Variants in NRG1 observed in about 807,000 individuals in gnomAD.
The protein encoded by NRG1 is pro-neuregulin-1, membrane-bound isoform.
In NRG1, 18 loss-of-function variants were observed where a neutral mutation model predicts 63.8. That is an observed-to-expected ratio of 0.28 (90% CI 0.19 to 0.42). NRG1 has a LOEUF of 0.42. NRG1 is among the 10% of genes least tolerant of loss of function. The pLI, the probability that NRG1 is intolerant of heterozygous loss-of-function variation, is 1.00. For missense variants in NRG1, 762 were observed against 814.7 expected (o/e 0.94, Z 0.79); for synonymous variants, 302 against 301.3 (o/e 1.00, Z -0.02).
chr8:32,249,494 C>T (rs1042591140), intron 1 of NRG1, among the ~76,000 whole-genome samples: 2 of 152,058 alleles, frequency 1.3e-5, no homozygotes, highest in East Asian at 1.9e-4. Context: ...AACAGAAAAG[C>T]GTAGCAAACC....
intron 1 of NRG1, among the ~76,000 whole-genome samples, chr8:32,439,214 AAC>A (rs1819188470): frequency 6.6e-6 from 1 of 152,220 alleles, no homozygotes; most frequent in Non-Finnish European, 1.5e-5. Flanking sequence ...TAAATTAGTT[AAC>A]AGTTATTTTT....
chr8:32,245,031 C>T (rs566880086), intron 1 of NRG1, among the ~76,000 whole-genome samples: 2 of 152,102 alleles, frequency 1.3e-5, no homozygotes, highest in Admixed American at 6.6e-5. Context: ...TGTTCAGTCT[C>T]GGTTAGCTTT....
At chr8:32,511,474 A>C (rs751064865) in intron 1 of NRG1, among the ~76,000 whole-genome samples, 30 of 150,712 alleles carry the variant, frequency 2.0e-4, no homozygotes, top group Non-Finnish European at 3.5e-4. Context: ...TAGTTTCATG[A>C]AAGCATTGTA....
chr8:32,261,657 T>C (rs1235190182), intron 1 of NRG1, among the ~76,000 whole-genome samples: 1 of 152,080 alleles, frequency 6.6e-6, no homozygotes, highest in Admixed American at 6.6e-5. Flanking sequence ...GACCAACAGT[T>C]GCGCTTTTAA....
chr8:32,430,734 A>G (rs1000610989), intron 1 of NRG1, among the ~76,000 whole-genome samples: 1 of 151,832 alleles, frequency 6.6e-6, no homozygotes, highest in Non-Finnish European at 1.5e-5. Flanking sequence ...GTCATTTGCT[A>G]CTGCAAACAT....
At chr8:31,781,799 G>A (rs1039579177) in intron 1 of NRG1, among the ~76,000 whole-genome samples, 1 of 151,936 alleles carries the variant, frequency 6.6e-6, no homozygotes, top group African/African-American at 2.4e-5. Flanking sequence ...TGCCAGCAGT[G>A]CTTAGCAACT....
Position 32,199,704 on chromosome 8 carries a change from T to C in NRG1, c.38-396124T>C, listed in dbSNP as rs75974723. Among the ~76,000 whole-genome samples, 9 of 152,308 alleles carry C rather than the reference T, an allele frequency of 5.9e-5. No individual in the cohort carries two copies. The East Asian group carries it at 1.5e-3, about 26-fold the overall frequency. On this transcript the variant is annotated intron_variant, in intron 1 of 10. Transcript: ENST00000519301. ...TATTTCTAATCCTTTGTATTTTGTTTCCTCTCTGAAAACTACTTAGATATT... is the reference window on the plus strand; with the variant it reads ...TATTTCTAATCCTTTGTATTTTGTTCCCTCTCTGAAAACTACTTAGATATT...
At chr8:32,261,182 A>C (rs1850327160) in intron 1 of NRG1, among the ~76,000 whole-genome samples, 1 of 152,180 alleles carries the variant, frequency 6.6e-6, no homozygotes, top group South Asian at 2.1e-4. Context: ...TTGTCCAAAA[A>C]ATAAATTCAC....
chr8:31,672,572 A>G (rs1807264903), intron 1 of NRG1, among the ~76,000 whole-genome samples: 1 of 152,176 alleles, frequency 6.6e-6, no homozygotes, highest in South Asian at 2.1e-4. Context: ...TTTAAAAAAT[A>G]TGGCATGTAG....
intron 1 of NRG1, among the ~76,000 whole-genome samples, chr8:32,070,122 A>C (rs1462900): frequency 0.23 from 35,343 of 152,104 alleles, 4,795 homozygotes; most frequent in East Asian, 0.64. Context: ...CATGTATTTA[A>C]GTATGAAGGT....
chr8:32,454,573 CTTTTTTTTTTTT>C (rs1158217383), intron 1 of NRG1, among the ~76,000 whole-genome samples: 1 of 76,406 alleles, frequency 1.3e-5, no homozygotes, highest in Non-Finnish European at 2.5e-5. Flanking sequence ...TCCCATCCCT[CTTTTTTTTTTTT>C]TTTTTTTTTT....
chr8:31,976,482 G>A (rs1586201902), intron 1 of NRG1, among the ~76,000 whole-genome samples: 1 of 152,162 alleles, frequency 6.6e-6, no homozygotes, highest in Non-Finnish European at 1.5e-5. Context: ...CATGTGAGTG[G>A]TGGGGGGAGA....
intron 1 of NRG1, among the ~76,000 whole-genome samples, chr8:31,963,698 ACTTGTCTC>A (rs1373678070): frequency 6.6e-6 from 1 of 152,134 alleles, no homozygotes; most frequent in Non-Finnish European, 1.5e-5. Flanking sequence ...CAGGTGTTAT[ACTTGTCTC>A]CTTTCTGCTT....
intron 5 of NRG1, among the ~76,000 whole-genome samples, chr8:32,695,167 C>T (rs773615761): frequency 4.6e-5 from 7 of 151,964 alleles, no homozygotes; most frequent in Non-Finnish European, 1.0e-4. Flanking sequence ...TCATCCTAGG[C>T]AACAAGAACA....
At chr8:31,712,782 C>G (rs894105405) in intron 1 of NRG1, among the ~76,000 whole-genome samples, 6 of 151,960 alleles carry the variant, frequency 3.9e-5, no homozygotes, top group Admixed American at 3.9e-4. Context: ...GGTCTTCATG[C>G]CTTAGGTATA....
chr8:31,796,293 C>T (rs973893830), intron 1 of NRG1, among the ~76,000 whole-genome samples: 1 of 151,104 alleles, frequency 6.6e-6, no homozygotes, highest in Non-Finnish European at 1.5e-5. Context: ...TCAGGCTATT[C>T]TGTATTCAGG....
At chr8:31,847,096 A>G (rs1826760753) in intron 1 of NRG1, among the ~76,000 whole-genome samples, 1 of 152,210 alleles carries the variant, frequency 6.6e-6, no homozygotes, top group Non-Finnish European at 1.5e-5. Flanking sequence ...AGATCACATT[A>G]ATAGGTTTCC....
chr8:32,769,942 G>A (rs1167477089), downstream of NRG1, among the ~76,000 whole-genome samples: 1 of 152,120 alleles, frequency 6.6e-6, no homozygotes, highest in Non-Finnish European at 1.5e-5. Flanking sequence ...GTTACCTGGA[G>A]GAAATCTATT....
At chr8:32,412,438 A>ATG (rs1434776495) in intron 1 of NRG1, among the ~76,000 whole-genome samples, 854 of 44,060 alleles carry the variant, frequency 0.019, 19 homozygotes, top group Middle Eastern at 0.048. Flanking sequence ...ATATATATAT[A>ATG]TATATATATA....
Sources: allele counts gnomAD v4.1 joint callset (sites outside exome capture counted in the v4.1 genomes callset), GRCh38; gene constraint gnomAD v4.1.1; transcripts MANE v1.5; gene names NCBI Gene and HGNC (gene_info 2026-07-23, HGNC 2026-07-21).